Variants in MPRIP observed in about 807,000 individuals in gnomAD.
MPRIP encodes the protein myosin phosphatase Rho interacting protein.
Under a neutral mutation model 234.9 loss-of-function variants are expected in MPRIP, and 59 were observed. The ratio of observed to expected loss-of-function variants is 0.25; its 90% confidence interval spans 0.20 to 0.31. The LOEUF is 0.31. MPRIP is among the 10% of genes least tolerant of loss of function. MPRIP has a pLI of 1.00. For synonymous variants in MPRIP, 1,144 were observed against 1,263.9 expected (o/e 0.91, Z 2.01); for missense variants, 2,436 against 3,071.0 (o/e 0.79, Z 4.89).
intron 3 of MPRIP, among the ~76,000 whole-genome samples, chr17:17,114,132 A>G (rs779804455): frequency 1.3e-5 from 2 of 152,014 alleles, no homozygotes; most frequent in African/African-American, 4.8e-5. Context: ...GCCCCAAGCA[A>G]TCCTCCTGCT....
At chr17:17,131,197 G>T (rs1019365751) in intron 4 of MPRIP, among the ~76,000 whole-genome samples, 2 of 152,176 alleles carry the variant, frequency 1.3e-5, no homozygotes, top group Non-Finnish European at 1.5e-5. Flanking sequence ...AGTACCCATT[G>T]TGGGAACTTG....
chr17:17,134,324 G>A (rs1236617087), intron 5 of MPRIP, among the ~76,000 whole-genome samples: 1 of 152,174 alleles, frequency 6.6e-6, no homozygotes, highest in African/African-American at 2.4e-5. Context: ...AGTTAGGGTG[G>A]TTCTGCCCTG....
rs1324643587 is a variant in MPRIP at position 17,188,885 on chromosome 17, G to A, written c.*3991G>A. The A allele has an allele frequency of 1.3e-5, 2 of 152,220 alleles. No homozygotes were observed. Among genetic ancestry groups the A allele is most frequent in the Non-Finnish European group, 1.5e-5 (1 of 68,040 alleles). 9.4% of individuals were successfully genotyped at this position (152,220 alleles called of 1,614,324 possible). ...CTACACAAACAAGTAATCCTGTTTGGCCTCCTAGGTTTTGCATATGACCTG... is the reference window on the plus strand; with the variant it reads ...CTACACAAACAAGTAATCCTGTTTGACCTCCTAGGTTTTGCATATGACCTG... On this transcript the variant is annotated 3_prime_UTR_variant, in exon 24 of 24. Transcript: ENST00000651222.
intron 3 of MPRIP, among the ~76,000 whole-genome samples, chr17:17,119,431 C>G (rs950444910): frequency 1.3e-5 from 2 of 152,208 alleles, no homozygotes; most frequent in African/African-American, 4.8e-5. Context: ...ATTGTTAAGT[C>G]CAGGGAGGAA....
At position 17,177,422 on chromosome 17, in the gene MPRIP, C is replaced by T. The variant is rs759142633; in HGVS notation, c.7120+10C>T. The T allele has an allele frequency of 2.2e-5, 35 of 1,610,726 alleles. No individual in the cohort carries two copies. The highest frequency in any genetic ancestry group is 1.0e-4 in the Admixed American group (6 of 59,906). The stretch of plus-strand genomic sequence containing the variant: ...ACGGTGTCCGGATATGGTGCGTCCT[C>T]GGGTCATGCCCTCTCGGTTATTGCT... On this transcript the variant is annotated intron_variant, in intron 22 of 23. Transcript: ENST00000651222.
intron 3 of MPRIP, among the ~76,000 whole-genome samples, chr17:17,082,285 A>ATTTTTTTTTTTTTTTTTTTTTTTT (rs71355536): frequency 1.1e-5 from 1 of 88,702 alleles, no homozygotes; most frequent in African/African-American, 4.6e-5. Context: ...GCTTTTTCCA[A>ATTTTTTTTTTTTTTTTTTTTTTTT]TTTTTTTTTT....
chr17:17,164,380 A>T lies in MPRIP; in HGVS notation c.2789A>T (p.Glu930Val). 1 of 1,294,052 alleles carries T rather than the reference A, an allele frequency of 7.7e-7. No individual in the cohort carries two copies. Among genetic ancestry groups the T allele is most frequent in the Non-Finnish European group, 1.0e-6 (1 of 986,674 alleles). The allele number at this position is 1,294,052 out of a possible 1,614,324, so 80.2% of individuals were successfully genotyped here. The stretch of plus-strand genomic sequence containing the variant: ...AAGCTCAAGGGCGACCTGAAGCGGG[A>T]GCAGGGCCGGGTCCGCGAGCAGCTG... ...LAKLKGDLKR[E>V]QGRVREQLEE... Residue 930 changes from glutamate to valine, a missense_variant, in exon 16 of 24, where the codon GAG becomes GTG. Physicochemically the swap from Glu to Val is moderately radical, Grantham distance 121 (BLOSUM62 -2). Coordinates refer to ENST00000651222, the MANE Select transcript of MPRIP (RefSeq NM_001364716.4).
intron 3 of MPRIP, among the ~76,000 whole-genome samples, chr17:17,103,489 T>C (rs2090003841): frequency 1.3e-5 from 2 of 152,228 alleles, no homozygotes; most frequent in South Asian, 4.1e-4. Context: ...TCCTTCTGTT[T>C]GGCCTTCTCT....
chr17:17,079,873 T>C (rs2089422305), intron 3 of MPRIP, among the ~76,000 whole-genome samples: 1 of 152,220 alleles, frequency 6.6e-6, no homozygotes, highest in South Asian at 2.1e-4. Flanking sequence ...AGGCACGGCT[T>C]CTGGATAATT....
At chr17:17,147,941 C>T (rs1398682737) in intron 11 of MPRIP, among the ~76,000 whole-genome samples, 2 of 152,118 alleles carry the variant, frequency 1.3e-5, no homozygotes, top group African/African-American at 4.8e-5. Context: ...CTCTTCTAAA[C>T]AGTTTGGCAA....
intron 12 of MPRIP, among the ~76,000 whole-genome samples, chr17:17,153,677 T>A (rs1360644997): frequency 6.6e-6 from 1 of 151,626 alleles, no homozygotes; most frequent in Non-Finnish European, 1.5e-5. Flanking sequence ...AGCCAGACGC[T>A]GTTCATACCC....
At chr17:17,062,751 T>C (rs1271118805) in intron 1 of MPRIP, among the ~76,000 whole-genome samples, 2 of 152,214 alleles carry the variant, frequency 1.3e-5, no homozygotes, top group Non-Finnish European at 1.5e-5. Flanking sequence ...GTATAGTCAC[T>C]CTCGAAACTG....
rs879043953 is a variant in MPRIP, at chr17:17,126,918, C to T, written c.419+65C>T. 39 of 1,564,954 alleles carry T rather than the reference C, an allele frequency of 2.5e-5. No individual in the cohort carries two copies. The South Asian group carries it at 3.1e-4, about 12-fold the overall frequency. Reference sequence around the variant, plus strand: ...GCCACAGGGCCAACACCAGATGGGCCGCCTGCCCCTGTGGCAGTGTCGATG... The same window carrying T: ...GCCACAGGGCCAACACCAGATGGGCTGCCTGCCCCTGTGGCAGTGTCGATG... On this transcript the variant is annotated intron_variant, in intron 4 of 23. Transcript: ENST00000651222.
At chr17:17,094,324 AT>A (rs1479126802) in intron 3 of MPRIP, among the ~76,000 whole-genome samples, 1 of 152,130 alleles carries the variant, frequency 6.6e-6, no homozygotes, top group Non-Finnish European at 1.5e-5. Context: ...GGTGGTGTTC[AT>A]TTTTTAACTT....
chr17:17,096,889 A>ACCG, intron 3 of MPRIP: 3 of 443,676 alleles, frequency 6.8e-6, no homozygotes, highest in East Asian at 7.2e-5. Flanking sequence ...AAATATGAAA[A>ACCG]AGCATCCTTG....
intron 16 of MPRIP, chr17:17,171,192 G>C (rs538129845): frequency 3.2e-5 from 5 of 153,994 alleles, no homozygotes; most frequent in Non-Finnish European, 7.2e-5. Flanking sequence ...CCCACTGTGG[G>C]TTGAGAGGCT....
At position 17,146,101 on chromosome 17, in the gene MPRIP, G is replaced by A. The variant is rs1003888697; in HGVS notation, c.1560+9G>A. ...AGTATGAGGACGGCCAGGTGAGTGT[G>A]CAGGGTTGCCGTGGCCCCTGAGGGA... On this transcript the variant is annotated intron_variant, in intron 10 of 23. Coordinates refer to ENST00000651222, the MANE Select transcript of MPRIP (RefSeq NM_001364716.4). 6.2e-7 allele frequency: 1 copy of A among 1,613,644 alleles called. No homozygotes were observed. Among genetic ancestry groups the A allele is most frequent in the Non-Finnish European group, 8.5e-7 (1 of 1,179,844 alleles).
At chr17:17,144,896 G>T (rs2045424011) in intron 9 of MPRIP, among the ~76,000 whole-genome samples, 1 of 152,246 alleles carries the variant, frequency 6.6e-6, no homozygotes, top group Non-Finnish European at 1.5e-5. Context: ...CTGTCAGAGA[G>T]GGGGCAGGTG....
At chr17:17,126,569 A>T in intron 3 of MPRIP, 133 bp from the exon 4 acceptor site, 1 of 1,023,974 alleles carries the variant, frequency 9.8e-7, no homozygotes, top group Non-Finnish European at 1.4e-6. Flanking sequence ...AAGGAAGAGG[A>T]GCTGGGGCTG....
Sources: allele counts gnomAD v4.1 joint callset (sites outside exome capture counted in the v4.1 genomes callset), GRCh38; gene constraint gnomAD v4.1.1; transcripts MANE v1.5; gene names NCBI Gene and HGNC (gene_info 2026-07-23, HGNC 2026-07-21).